GNA14: variants seen among roughly 807,000 people sequenced by gnomAD.
The protein encoded by GNA14 is guanine nucleotide-binding protein subunit alpha-14.
Under a neutral mutation model 42.0 loss-of-function variants are expected in GNA14, and 50 were observed. The ratio of observed to expected loss-of-function variants is 1.19; its 90% CI spans 0.95 to 1.51. The LOEUF (loss-of-function observed/expected upper bound fraction) is 1.51, where lower values mean the gene tolerates loss of function less well. Among genes scored for constraint, GNA14 ranks in the 40% most tolerant of loss-of-function variants. The pLI, the probability that GNA14 is intolerant of heterozygous loss-of-function variation, is 0.00. For synonymous variants in GNA14, 173 were observed against 163.1 expected (o/e 1.06, Z -0.46); for missense variants, 473 against 446.2 (o/e 1.06, Z -0.54).
At chr9:77,495,589 T>G (rs564362557) in intron 2 of GNA14, among the ~76,000 whole-genome samples, 1 of 152,218 alleles carries the variant, frequency 6.6e-6, no homozygotes, top group African/African-American at 2.4e-5. Flanking sequence ...CTTGACTATA[T>G]AGCAAATATG....
chr9:77,446,579 A>G (rs1835820958), intron 2 of GNA14, among the ~76,000 whole-genome samples: 1 of 151,960 alleles, frequency 6.6e-6, no homozygotes, highest in Non-Finnish European at 1.5e-5. Flanking sequence ...CTCCCATGCA[A>G]TCCCCCTCCA....
chr9:77,510,249 A>AT (rs367782148), intron 2 of GNA14, among the ~76,000 whole-genome samples: 264 of 152,258 alleles, frequency 1.7e-3, no homozygotes, highest in African/African-American at 6.0e-3. Context: ...GGCTTCTTTC[A>AT]TTTAACACAG....
intron 2 of GNA14, among the ~76,000 whole-genome samples, chr9:77,480,690 G>A (rs1587788847): frequency 1.3e-5 from 2 of 152,130 alleles, no homozygotes; most frequent in African/African-American, 2.4e-5. Flanking sequence ...GCTTTTTTTG[G>A]TTGGTAAGCT....
chr9:77,448,649 C>T (rs544081702), intron 2 of GNA14, among the ~76,000 whole-genome samples: 22 of 152,236 alleles, frequency 1.4e-4, no homozygotes, highest in African/African-American at 1.7e-4. Flanking sequence ...ATACAAGTAG[C>T]GTACTGCTGC....
Position 77,425,651 on chromosome 9 carries a change from G to A in GNA14, c.788C>T (p.Ser263Leu), listed in dbSNP as rs773830556. The A allele has an allele frequency of 5.0e-6, 8 of 1,607,376 alleles. 1 individual carries two copies. The highest frequency in any genetic ancestry group is 4.5e-5 in the East Asian group (2 of 44,832). ...CTTGTTCAAGAATAAAATCACAGAC[G>A]AATTCAGAAACCAGGGGTAGGTGAT... is the stretch of plus-strand genomic sequence containing the variant. ...TIITYPWFLN[S>L]SVILFLNKKD... Residue 263 changes from serine (S) to leucine (L), a missense_variant, in exon 6 of 7, where the codon TCG becomes TTG. Ser to Leu is a moderately radical substitution (Grantham distance 145, BLOSUM62 -2). Transcript: ENST00000341700.
At chr9:77,588,646 T>C (rs1427812928) in intron 1 of GNA14, among the ~76,000 whole-genome samples, 2 of 152,298 alleles carry the variant, frequency 1.3e-5, no homozygotes, top group East Asian at 3.9e-4. Context: ...ATATATTTCA[T>C]ATAAAAATCT....
At chr9:77,509,349 A>G (rs1292884659) in intron 2 of GNA14, among the ~76,000 whole-genome samples, 1 of 152,186 alleles carries the variant, frequency 6.6e-6, no homozygotes. Flanking sequence ...CCATTCATCC[A>G]CTGACGGGCA....
At chr9:77,622,876 AGAGTGAG>A (rs1823950597) in intron 1 of GNA14, among the ~76,000 whole-genome samples, 1 of 148,064 alleles carries the variant, frequency 6.8e-6, no homozygotes, top group Non-Finnish European at 1.5e-5. Context: ...CCTGGGTGAC[AGAGTGAG>A]ACTCTGTCTC....
At chr9:77,428,560 C>T (rs1483120732) in intron 5 of GNA14, among the ~76,000 whole-genome samples, 2 of 152,166 alleles carry the variant, frequency 1.3e-5, no homozygotes, top group African/African-American at 2.4e-5. Flanking sequence ...TGGGGTTGGA[C>T]TCAGGCACCA....
At position 77,593,468 on chromosome 9, in the gene GNA14, G is replaced by A. The variant is rs528317526; in HGVS notation, c.124+54202C>T. Among the ~76,000 whole-genome samples, 8 of 152,044 alleles carry A rather than the reference G, an allele frequency of 5.3e-5. No individual in the cohort carries two copies. In the East Asian group the frequency reaches 1.4e-3, roughly 26 times the overall value. On this transcript the variant is annotated intron_variant, in intron 1 of 6. Coordinates refer to ENST00000341700, the MANE Select transcript of GNA14 (RefSeq NM_004297.4). ...TGGGATTACAGGCGTGCACTACCAC[G>A]CCAGGCTAATTTTATATTTTTAGTA...
chr9:77,647,648 A>C (rs759027847), intron 1 of GNA14, 22 bp downstream of exon 1: 2 of 1,601,454 alleles, frequency 1.2e-6, no homozygotes, highest in Non-Finnish European at 1.7e-6. Context: ...GGCTCACTGG[A>C]GTCGGAGACG....
intron 1 of GNA14, among the ~76,000 whole-genome samples, chr9:77,546,215 C>CAAAAAAAAAAAAAAAAA (rs764378681): frequency 2.3e-5 from 1 of 42,914 alleles, no homozygotes. Context: ...AGCTCCATCT[C>CAAAAAAAAAAAAAAAAA]AAAAAAAAAA....
At chr9:77,515,231 G>A (rs755304952) in intron 2 of GNA14, among the ~76,000 whole-genome samples, 1 of 152,234 alleles carries the variant, frequency 6.6e-6, no homozygotes, top group Non-Finnish European at 1.5e-5. Context: ...CAGCTACAAA[G>A]GTGGGGAAAA....
intron 2 of GNA14, among the ~76,000 whole-genome samples, chr9:77,456,945 A>G (rs1424540994): frequency 1.3e-5 from 2 of 152,244 alleles, no homozygotes; most frequent in African/African-American, 4.8e-5. Context: ...AGGACCATAA[A>G]TAGCCTTGAC....
intron 1 of GNA14, among the ~76,000 whole-genome samples, chr9:77,600,882 G>C (rs927825467): frequency 1.3e-4 from 20 of 152,372 alleles, no homozygotes; most frequent in African/African-American, 4.8e-4. Context: ...TCGCGCCATT[G>C]CACTCCAGCC....
At chr9:77,594,383 C>T (rs565894698) in intron 1 of GNA14, among the ~76,000 whole-genome samples, 2 of 152,284 alleles carry the variant, frequency 1.3e-5, no homozygotes, top group South Asian at 2.1e-4. Context: ...ACATCGGCTC[C>T]GAGTGTGGAA....
intron 2 of GNA14, among the ~76,000 whole-genome samples, chr9:77,471,739 G>C (rs1045638828): frequency 1.3e-5 from 2 of 152,126 alleles, no homozygotes; most frequent in African/African-American, 2.4e-5. Context: ...ACTCACTACA[G>C]TCATGCAGGA....
intron 1 of GNA14, among the ~76,000 whole-genome samples, chr9:77,602,707 GT>G (rs927316032): frequency 6.1e-5 from 9 of 147,880 alleles, no homozygotes; most frequent in African/African-American, 9.9e-5. Flanking sequence ...TAATGGTTTT[GT>G]TTTTTTTTTC....
intron 2 of GNA14, among the ~76,000 whole-genome samples, chr9:77,463,012 A>G (rs1448563147): frequency 6.6e-6 from 1 of 152,004 alleles, no homozygotes; most frequent in Non-Finnish European, 1.5e-5. Flanking sequence ...GTAATAAACA[A>G]CTCGAGGGTA....
Sources: gnomAD v4.1 joint callset for allele counts (sites outside exome capture counted in the v4.1 genomes callset) on GRCh38, gnomAD v4.1.1 for gene constraint, MANE v1.5 for transcripts, NCBI Gene and HGNC (gene_info 2026-07-23, HGNC 2026-07-21) for gene names.